The following GRM3 variants were observed in gnomAD, a reference collection of about 807,000 sequenced individuals.
GRM3 encodes the protein metabotropic glutamate receptor 3.
A neutral mutation model predicts 70.5 loss-of-function variants in GRM3; 26 were observed. The ratio of observed to expected loss-of-function variants is 0.37; its 90% CI spans 0.27 to 0.51. GRM3 has a LOEUF of 0.51. Ranked by LOEUF, GRM3 falls within the 20% of genes least tolerant of loss-of-function variation. GRM3 has a pLI of 0.93. For missense variants in GRM3, 859 were observed against 1,123.8 expected (o/e 0.76, Z 3.37); for synonymous variants, 443 against 434.9 (o/e 1.02, Z -0.23).
Position 86,644,767 on chromosome 7 carries a change from T to G in GRM3, c.-246T>G. Reference sequence around the variant, plus strand: ...CAAAGCCAGTAAGCTACCTCTTTTGTGTCGGATGAGGAGGACCAACCATGA... The same window carrying G: ...CAAAGCCAGTAAGCTACCTCTTTTGGGTCGGATGAGGAGGACCAACCATGA... On this transcript the variant is annotated 5_prime_UTR_variant, in exon 1 of 6. Coordinates refer to ENST00000361669, the MANE Select transcript of GRM3 (RefSeq NM_000840.3). 1 of 1,286,112 alleles carries G rather than the reference T, an allele frequency of 7.8e-7. No homozygotes were observed. The highest frequency in any genetic ancestry group is 1.0e-6 in the Non-Finnish European group (1 of 985,450). 79.7% of individuals were successfully genotyped at this position (1,286,112 alleles called of 1,614,324 possible). A position where few individuals can be genotyped will look rare whatever the true frequency, so the allele number is the denominator to read the frequency against.
intron 1 of GRM3, among the ~76,000 whole-genome samples, chr7:86,728,606 T>TTCACC (rs1233955238): frequency 6.6e-6 from 1 of 152,188 alleles, no homozygotes. Flanking sequence ...GTAACTGCCC[T>TTCACC]TCACCTCATC....
At chr7:86,752,799 G>A (rs1180600377) in intron 1 of GRM3, among the ~76,000 whole-genome samples, 1 of 151,982 alleles carries the variant, frequency 6.6e-6, no homozygotes, top group East Asian at 1.9e-4. Flanking sequence ...TTGACATTAG[G>A]GGTCAGTTAA....
chr7:86,683,146 A>C (rs1794482220), intron 1 of GRM3, among the ~76,000 whole-genome samples: 1 of 152,166 alleles, frequency 6.6e-6, no homozygotes, highest in African/African-American at 2.4e-5. Flanking sequence ...GGCCATGAAA[A>C]TTTATGGGAG....
In GRM3 at chr7:86,644,942, CG is replaced by C. The variant is rs1411842851; in HGVS notation, c.-141+71del. 9 of 826,850 alleles carry C rather than the reference CG, an allele frequency of 1.1e-5. No individual in the cohort carries two copies. In the African/African-American group the frequency reaches 1.6e-4, roughly 15 times the overall value. 51.2% of individuals were successfully genotyped at this position (826,850 alleles called of 1,614,324 possible). A position where few individuals can be genotyped will look rare whatever the true frequency, so the allele number is the denominator to read the frequency against. ...CCAGGGCGCGGAAGCTCGGGTGCCG[CG>C]TGGGGCAGGCGCAGCCGGGAAAGTT... On this transcript the variant is annotated intron_variant, in intron 1 of 5. Coordinates refer to ENST00000361669, the MANE Select transcript of GRM3 (RefSeq NM_000840.3).
At chr7:86,757,414 A>T (rs542109531) in intron 1 of GRM3, among the ~76,000 whole-genome samples, 1 of 152,322 alleles carries the variant, frequency 6.6e-6, no homozygotes, top group East Asian at 1.9e-4. Flanking sequence ...GTCCTATGAC[A>T]TGGCCCTAAT....
At chr7:86,729,932 C>T (rs1370292246) in intron 1 of GRM3, among the ~76,000 whole-genome samples, 1 of 151,394 alleles carries the variant, frequency 6.6e-6, no homozygotes, top group African/African-American at 2.4e-5. Context: ...ATGGTGAAAC[C>T]CTGTCTCTAC....
intron 4 of GRM3, among the ~76,000 whole-genome samples, chr7:86,841,040 GGTAA>G (rs1798549296): frequency 6.6e-6 from 1 of 152,082 alleles, no homozygotes; most frequent in Non-Finnish European, 1.5e-5. Context: ...CATAAAAAAT[GGTAA>G]GTATGTGAAG....
intron 2 of GRM3, among the ~76,000 whole-genome samples, chr7:86,785,509 A>AC (rs1797205485): frequency 6.6e-6 from 1 of 151,350 alleles, no homozygotes; most frequent in Admixed American, 6.6e-5. Flanking sequence ...ATACCTTTTA[A>AC]TTTTTTTTAA....
intron 1 of GRM3, among the ~76,000 whole-genome samples, chr7:86,751,001 A>G (rs1796216408): frequency 1.3e-5 from 2 of 152,092 alleles, no homozygotes; most frequent in Admixed American, 1.3e-4. Context: ...ATAGAAGTGG[A>G]TATATGAAAT....
At chr7:86,820,886 C>A (rs1203656424) in intron 3 of GRM3, among the ~76,000 whole-genome samples, 1 of 152,146 alleles carries the variant, frequency 6.6e-6, no homozygotes, top group Non-Finnish European at 1.5e-5. Flanking sequence ...CACCCAGTGC[C>A]CATCTTCCAG....
intron 1 of GRM3, among the ~76,000 whole-genome samples, chr7:86,671,849 C>A (rs529270016): frequency 1.1e-3 from 171 of 152,258 alleles, no homozygotes; most frequent in Non-Finnish European, 1.9e-3. Flanking sequence ...ACCCTTAATT[C>A]CCCAGTCTCC....
intron 1 of GRM3, among the ~76,000 whole-genome samples, chr7:86,754,849 C>T (rs1468593518): frequency 1.3e-5 from 2 of 152,090 alleles, no homozygotes; most frequent in Non-Finnish European, 2.9e-5. Context: ...ATCCCCATTC[C>T]TTGGCTCTGC....
At chr7:86,719,951 T>C (rs755549336) in intron 1 of GRM3, among the ~76,000 whole-genome samples, 1 of 151,912 alleles carries the variant, frequency 6.6e-6, no homozygotes, top group Non-Finnish European at 1.5e-5. Context: ...TGGAGTAGAT[T>C]ACAAGGATAA....
At chr7:86,668,351 T>G (rs1210726172) in intron 1 of GRM3, among the ~76,000 whole-genome samples, 1 of 152,060 alleles carries the variant, frequency 6.6e-6, no homozygotes, top group Non-Finnish European at 1.5e-5. Context: ...TGTACATACA[T>G]TCACTCACTT....
At chr7:86,793,676 T>C (rs971765233) in intron 3 of GRM3, among the ~76,000 whole-genome samples, 1 of 152,200 alleles carries the variant, frequency 6.6e-6, no homozygotes, top group African/African-American at 2.4e-5. Flanking sequence ...TGCTTTGGTG[T>C]CTTAGAGGCT....
chr7:86,831,791 G>GA (rs1798357724), intron 3 of GRM3, among the ~76,000 whole-genome samples: 1 of 62,676 alleles, frequency 1.6e-5, no homozygotes, highest in Non-Finnish European at 2.7e-5. Context: ...TCATAGCACC[G>GA]TTAAAAAAAA....
At chr7:86,732,016 T>C (rs1213390363) in intron 1 of GRM3, among the ~76,000 whole-genome samples, 1 of 152,192 alleles carries the variant, frequency 6.6e-6, no homozygotes, top group Non-Finnish European at 1.5e-5. Flanking sequence ...TGGTAATTTA[T>C]AAACACTGAA....
At chr7:86,750,897 G>A (rs1353389921) in intron 1 of GRM3, among the ~76,000 whole-genome samples, 1 of 152,060 alleles carries the variant, frequency 6.6e-6, no homozygotes, top group Non-Finnish European at 1.5e-5. Context: ...TCAGGATAGG[G>A]AGGATAATTT....
rs991122240 is a variant in GRM3 at position 86,644,247 on chromosome 7, C to T, written c.-766C>T. The stretch of plus-strand genomic sequence containing the variant: ...CCCTGGCTTTTCGTATAAAAATCCT[C>T]TCGTCTAGGTACCCTGGCTCACTGA... On this transcript the variant is annotated 5_prime_UTR_variant, in exon 1 of 6. Transcript: ENST00000361669. 2 of 173,052 alleles carry T rather than the reference C, an allele frequency of 1.2e-5. No individual in the cohort carries two copies. The highest frequency in any genetic ancestry group is 2.5e-5 in the Non-Finnish European group (2 of 80,584). The allele number at this position is 173,052 out of a possible 1,614,324, so 10.7% of individuals were successfully genotyped here.
Sources: gnomAD v4.1 joint callset for allele counts (sites outside exome capture counted in the v4.1 genomes callset) on GRCh38, gnomAD v4.1.1 for gene constraint, MANE v1.5 for transcripts, NCBI Gene and HGNC (gene_info 2026-07-23, HGNC 2026-07-21) for gene names.